The following RRBP1 variants were observed in gnomAD, a reference collection of about 807,000 sequenced individuals.
RRBP1 encodes ribosome binding protein 1.
Under a neutral mutation model 165.2 loss-of-function variants are expected in RRBP1, and 94 were observed. That is an observed-to-expected ratio of 0.57 (90% CI 0.48 to 0.68). The LOEUF (loss-of-function observed/expected upper bound fraction) is 0.68. Ranked by LOEUF, RRBP1 falls within the 30% of genes least tolerant of loss-of-function variation. The pLI, the probability that RRBP1 is intolerant of heterozygous loss-of-function variation, is 0.00. For missense variants in RRBP1, 1,676 were observed against 1,763.0 expected (o/e 0.95, Z 0.88); for synonymous variants, 680 against 714.5 (o/e 0.95, Z 0.77).
chr20:17,670,932 T>C (rs1005542220), intron 2 of RRBP1, among the ~76,000 whole-genome samples: 2 of 152,240 alleles, frequency 1.3e-5, no homozygotes, highest in Admixed American at 6.5e-5. Context: ...GCTCCTCTCC[T>C]GGAACCCCAA....
chr20:17,644,606 T>C (rs997943290), intron 3 of RRBP1, among the ~76,000 whole-genome samples: 2 of 152,226 alleles, frequency 1.3e-5, no homozygotes, highest in Non-Finnish European at 2.9e-5. Flanking sequence ...GCAGGGCAGC[T>C]GCTTCAGCCG....
At chr20:17,640,262 G>C (rs939764992) in intron 5 of RRBP1, among the ~76,000 whole-genome samples, 13 of 152,226 alleles carry the variant, frequency 8.5e-5, no homozygotes, top group African/African-American at 3.1e-4. Flanking sequence ...GAAGGCTCCT[G>C]AGGGAGGGAA....
chr20:17,623,824 TGA>T (rs1470076353), intron 13 of RRBP1, among the ~76,000 whole-genome samples: 1 of 151,684 alleles, frequency 6.6e-6, no homozygotes, highest in Non-Finnish European at 1.5e-5. Context: ...CCCAGCTACT[TGA>T]GAGGGTGAGG....
Position 17,658,775 on chromosome 20 carries a change from T to C in RRBP1, c.1733A>G (p.Lys578Arg), listed in dbSNP as rs1211195238. 5.0e-6 allele frequency: 8 copies of C among 1,613,856 alleles called. No individual in the cohort carries two copies. The highest frequency in any genetic ancestry group is 6.8e-6 in the Non-Finnish European group (8 of 1,179,884). ...KKAEGSPSEG[K>R]KAEGSPNQGK... ...TTGGTTGGGGGACCCTTCTGCCTTT[T>C]TGCCTTCACTGGGGGACCCTTCTGC... Residue 578 changes from lysine (K) to arginine (R), a missense_variant, in exon 3 of 25, where the codon AAA becomes AGA. Physicochemically the swap from Lys to Arg is conservative, Grantham distance 26 (BLOSUM62 2). Around this residue, in one of 5 missense-constraint regions of RRBP1, gnomAD observed 1,184 missense variants for 1,167.1 expected, o/e 1.01. Coordinates refer to ENST00000377813, the MANE Select transcript of RRBP1 (RefSeq NM_001365613.2).
chr20:17,652,959 T>C (rs139376853), intron 3 of RRBP1, among the ~76,000 whole-genome samples: 2 of 152,262 alleles, frequency 1.3e-5, no homozygotes, highest in East Asian at 3.9e-4. Context: ...GACTCACAGA[T>C]TTCTGCCTCA....
intron 3 of RRBP1, among the ~76,000 whole-genome samples, chr20:17,647,158 A>G (rs545014118): frequency 6.6e-6 from 1 of 152,370 alleles, no homozygotes; most frequent in South Asian, 2.1e-4. Flanking sequence ...CTCTAGACAC[A>G]AAGTATGTAC....
chr20:17,642,138 G>C (rs897703183), intron 4 of RRBP1, among the ~76,000 whole-genome samples: 1 of 152,266 alleles, frequency 6.6e-6, no homozygotes, highest in African/African-American at 2.4e-5. Context: ...GGACTGTCAA[G>C]GCCAAAGGCT....
Position 17,666,661 on chromosome 20 carries a change from C to G in RRBP1, c.-21-6133G>C, listed in dbSNP as rs1391762409. Reference sequence around the variant, plus strand: ...ATCTCATTTCTTTTTCTTGGCTTAACAGAGCTGGCTGAGAACTCTGATGCA... The same window carrying G: ...ATCTCATTTCTTTTTCTTGGCTTAAGAGAGCTGGCTGAGAACTCTGATGCA... On this transcript the variant is annotated intron_variant, in intron 2 of 24. Transcript: ENST00000377813. Among the ~76,000 whole-genome samples the G allele has an allele frequency of 3.9e-5, 6 of 152,268 alleles. No individual in the cohort carries two copies. In the East Asian group the frequency reaches 1.2e-3, roughly 29 times the overall value.
intron 5 of RRBP1, 144 bp from the exon 6 acceptor site, chr20:17,636,873 A>T (rs2036258366): frequency 1.0e-6 from 1 of 989,804 alleles, no homozygotes; most frequent in African/African-American, 1.6e-5. Flanking sequence ...AGCTAGACTC[A>T]AGCCAGCTGC....
chr20:17,621,975 G>A, intron 13 of RRBP1, 28 bp from the exon 14 acceptor site: 1 of 1,584,274 alleles, frequency 6.3e-7, no homozygotes, highest in African/African-American at 1.3e-5. Context: ...AAGAGCGGAA[G>A]GTGTTCAGCT....
intron 13 of RRBP1, among the ~76,000 whole-genome samples, chr20:17,623,657 C>T (rs866156081): frequency 1.3e-5 from 2 of 152,196 alleles, no homozygotes; most frequent in South Asian, 2.1e-4. Flanking sequence ...TGGGACTGGG[C>T]GTGGTGGTTC....
At chr20:17,678,061 C>T (rs1343321905) in intron 2 of RRBP1, among the ~76,000 whole-genome samples, 1 of 152,122 alleles carries the variant, frequency 6.6e-6, no homozygotes, top group Admixed American at 6.5e-5. Context: ...AAGTTGCTGC[C>T]CATTGTTGAC....
intron 2 of RRBP1, among the ~76,000 whole-genome samples, chr20:17,664,998 T>C (rs990365635): frequency 7.2e-5 from 11 of 151,990 alleles, no homozygotes; most frequent in African/African-American, 2.4e-4. Context: ...AAAAGAAAAA[T>C]ATGAACATCC....
At chr20:17,681,803 G>A (rs1231461838) in intron 1 of RRBP1, among the ~76,000 whole-genome samples, 1 of 150,532 alleles carries the variant, frequency 6.6e-6, no homozygotes, top group Non-Finnish European at 1.5e-5. Flanking sequence ...ACACCACGGG[G>A]CGCGCCCTGC....
At chr20:17,624,535 C>T (rs1226280822) in intron 13 of RRBP1, 41 bp downstream of exon 13, 1 of 1,364,770 alleles carries the variant, frequency 7.3e-7, no homozygotes, top group South Asian at 1.2e-5. Flanking sequence ...CATCCTAGTG[C>T]ACTTTCCATG....
In RRBP1 at chr20:17,615,947, C is replaced by T. The variant is rs751171665; in HGVS notation, c.3930G>A (p.Lys1310=). ...ILEDEQTQRQ[K]LTAEFEEAQT... ...TGACCTCCTCAAACTCGGCCGTGAG[C>T]TTCTGCCGCTGTGTCTGCTCATCCT... Residue 1310 remains lysine, a synonymous_variant, in exon 22 of 25, where the codon AAG becomes AAA. Coordinates refer to ENST00000377813, the MANE Select transcript of RRBP1 (RefSeq NM_001365613.2). 6.2e-7 allele frequency: 1 copy of T among 1,610,230 alleles called. No individual in the cohort carries two copies. Among genetic ancestry groups the T allele is most frequent in the South Asian group, 1.1e-5 (1 of 91,070 alleles).
chr20:17,654,174 G>A (rs1453723404), intron 3 of RRBP1, among the ~76,000 whole-genome samples: 1 of 152,086 alleles, frequency 6.6e-6, no homozygotes, highest in South Asian at 2.1e-4. Flanking sequence ...TCCCAGGGCC[G>A]GCACCCTCCC....
chr20:17,660,358 C>T lies in RRBP1; in HGVS notation c.150G>A (p.Ala50=), dbSNP rs1441045759. The T allele has an allele frequency of 6.8e-6, 11 of 1,613,884 alleles. No individual in the cohort carries two copies. Among genetic ancestry groups the T allele is most frequent in the East Asian group, 2.2e-5 (1 of 44,892 alleles). Residue 50 remains alanine, a synonymous_variant, in exon 3 of 25, where the codon GCG becomes GCA. Transcript: ENST00000377813. The part of the protein sequence containing the change: ...EALANQRKEM[A]KTHHQKVEKK... Reference sequence around the variant, plus strand: ...TCTCGACTTTCTGGTGGTGAGTTTTCGCCATCTCCTTGCGCTGGTTGGCTA... The same window carrying T: ...TCTCGACTTTCTGGTGGTGAGTTTTTGCCATCTCCTTGCGCTGGTTGGCTA...
chr20:17,657,276 G>A (rs2036661245), intron 3 of RRBP1, among the ~76,000 whole-genome samples: 1 of 152,234 alleles, frequency 6.6e-6, no homozygotes, highest in Non-Finnish European at 1.5e-5. Context: ...GCAGCTGGTC[G>A]CTGGCTTCCC....
Sources: allele counts gnomAD v4.1 joint callset (sites outside exome capture counted in the v4.1 genomes callset), GRCh38; gene constraint gnomAD v4.1.1; regional missense constraint gnomAD v4.1.1; transcripts MANE v1.5; gene names NCBI Gene and HGNC (gene_info 2026-07-23, HGNC 2026-07-21).